PRUNE1: variants seen among roughly 807,000 people sequenced by gnomAD.
The protein encoded by PRUNE1 is prune exopolyphosphatase 1, also known as exopolyphosphatase PRUNE1.
Under a neutral mutation model 42.5 loss-of-function variants are expected in PRUNE1, and 25 were observed. The observed-to-expected ratio is 0.59, with a 90% CI of 0.43 to 0.82. The LOEUF (loss-of-function observed/expected upper bound fraction) is 0.82, where lower values mean the gene tolerates loss of function less well. PRUNE1 is among the 40% of genes least tolerant of loss of function. The probability of loss-of-function intolerance (pLI) is 0.00; values close to 1 mark genes in which losing one functional copy is unlikely to be tolerated. For missense variants in PRUNE1, 443 were observed against 539.3 expected, an observed-to-expected ratio of 0.82 and a Z score of 1.77; for synonymous variants, 203 against 217.1, an observed-to-expected ratio of 0.93 and a Z score of 0.57.
chr1:151,028,526 C>T lies in PRUNE1; in HGVS notation c.775-260C>T, dbSNP rs1312641930. 2.6e-5 allele frequency among the ~76,000 whole-genome samples: 4 copies of T among 151,868 alleles called. No individual in the cohort carries two copies. In the South Asian group the frequency reaches 6.2e-4, roughly 24 times the overall value. On this transcript the variant is annotated intron_variant, in intron 6 of 7. Transcript: ENST00000271620. ...GCAACTTCCGCCTCCCTGGTTCAAG[C>T]GATTCTCCTGCCTCAGCCTCCTGAG...
chr1:151,008,744 G>C, intron 1 of PRUNE1, 73 bp downstream of exon 1: 2 of 1,577,992 alleles, frequency 1.3e-6, no homozygotes, highest in East Asian at 4.5e-5. Flanking sequence ...TGGGATCTGG[G>C]GGAGCCTCGA....
At chr1:151,019,374 A>G (rs1204263502) in intron 3 of PRUNE1, among the ~76,000 whole-genome samples, 1 of 152,056 alleles carries the variant, frequency 6.6e-6, no homozygotes, top group African/African-American at 2.4e-5. Context: ...CCTGAGCAAC[A>G]TGGCAAAACC....
At position 151,025,538 on chromosome 1, in the gene PRUNE1, A is replaced by G. The variant is rs775316095; in HGVS notation, c.544A>G (p.Asn182Asp). The change falls in exon 5 of 8, where the codon AAC becomes GAC. Residue 182 changes from asparagine (N) to aspartate (D), a missense_variant. Physicochemically the swap from Asn to Asp is conservative, Grantham distance 23 (BLOSUM62 1). Transcript: ENST00000271620. ...LHGTIILDCV[N>D]MDLKIGKATP... ...AGGAACCATCATCCTGGACTGTGTC[A>G]ACATGGACCTTAAAATTGGAAAGGC... The G allele has an allele frequency of 2.2e-5, 35 of 1,614,058 alleles. No individual in the cohort carries two copies. Among genetic ancestry groups the G allele is most frequent in the Non-Finnish European group, 2.9e-5 (34 of 1,179,986 alleles).
At chr1:151,028,732 T>A in intron 6 of PRUNE1, 54 bp from the exon 7 acceptor site, 1 of 1,579,516 alleles carries the variant, frequency 6.3e-7, no homozygotes, top group Non-Finnish European at 8.6e-7. Flanking sequence ...CCAAGGATGT[T>A]TTATTGATGA....
rs139233139 is a variant in PRUNE1 at position 151,017,683 on chromosome 1, G to A, written c.40-129G>A. Reference sequence around the variant, plus strand: ...TGAGGCTGCAGGGAGTTGTGATCACGCTACTGCATTCCAGCCTGGGCGACA... The same window carrying A: ...TGAGGCTGCAGGGAGTTGTGATCACACTACTGCATTCCAGCCTGGGCGACA... On this transcript the variant is annotated intron_variant, in intron 1 of 7. Transcript: ENST00000271620. 900 of 449,574 alleles carry A rather than the reference G, an allele frequency of 2.0e-3. 5 individuals carry two copies. Among genetic ancestry groups the A allele is most frequent in the African/African-American group, 0.017 (810 of 48,382 alleles). 27.8% of individuals were successfully genotyped at this position (449,574 alleles called of 1,614,324 possible).
chr1:151,018,652 C>T lies in PRUNE1; in HGVS notation c.318C>T (p.Asp106=). Residue 106 remains aspartate, a synonymous_variant, in exon 3 of 8, where the codon GAC becomes GAT. Transcript: ENST00000271620. ...GCCAACTCACCCTCATCCTTGTCGACCATCATATCTTATCCAAGTAAGCAC... is the reference window on the plus strand; with the variant it reads ...GCCAACTCACCCTCATCCTTGTCGATCATCATATCTTATCCAAGTAAGCAC... ...QAGQLTLILV[D]HHILSKSDTA... 1 of 1,614,008 alleles carries T rather than the reference C, an allele frequency of 6.2e-7. No individual in the cohort carries two copies. Among genetic ancestry groups the T allele is most frequent in the Non-Finnish European group, 8.5e-7 (1 of 1,179,894 alleles).
rs1674220381 is a variant in PRUNE1, at chr1:151,018,252, T to A, written c.133-215T>A. ...TTCTCTGCAGCATTGCATCTAGAAA[T>A]AGGTATTTACCATGAGTTACCTTGT... On this transcript the variant is annotated intron_variant, in intron 2 of 7. Transcript: ENST00000271620. The A allele has an allele frequency of 9.6e-6, 7 of 730,220 alleles. No homozygotes were observed. In the East Asian group the frequency reaches 1.7e-4, roughly 18 times the overall value. The allele number at this position is 730,220 out of a possible 1,614,324, so 45.2% of individuals were successfully genotyped here. A position where few individuals can be genotyped will look rare whatever the true frequency, so the allele number is the denominator to read the frequency against.
At chr1:151,025,419 T>C (rs1181919543) in intron 4 of PRUNE1, 96 bp from the exon 5 acceptor site, 75 of 1,260,946 alleles carry the variant, frequency 5.9e-5, no homozygotes, top group Non-Finnish European at 7.6e-6. Flanking sequence ...ACAAATCTCC[T>C]TGTGTGTGTC....
intron 1 of PRUNE1, among the ~76,000 whole-genome samples, chr1:151,010,002 C>T (rs1168055909): frequency 1.3e-5 from 2 of 152,220 alleles, no homozygotes; most frequent in Non-Finnish European, 1.5e-5. Flanking sequence ...CCTGAAACCT[C>T]ACCAAATAGT....
In PRUNE1 at chr1:151,033,788, T is replaced by G. The variant is rs1483198781; in HGVS notation, c.934-18T>G. The G allele has an allele frequency of 6.2e-7, 1 of 1,600,092 alleles. No homozygotes were observed. The highest frequency in any genetic ancestry group is 1.3e-5 in the African/African-American group (1 of 74,426). On this transcript the variant is annotated intron_variant, in intron 7 of 7. Coordinates refer to ENST00000271620, the MANE Select transcript of PRUNE1 (RefSeq NM_021222.3). ...CAGCAAGTTGTGTATCATTTCCCTG[T>G]TATTGTCTCCTCTTTAGATCTGTGA... is the stretch of plus-strand genomic sequence containing the variant.
At chr1:151,019,066 C>T (rs587744169) in intron 3 of PRUNE1, among the ~76,000 whole-genome samples, 3 of 152,142 alleles carry the variant, frequency 2.0e-5, no homozygotes, top group Admixed American at 2.0e-4. Context: ...TTTTTGCTTT[C>T]AGGGATCTCA....
intron 3 of PRUNE1, among the ~76,000 whole-genome samples, chr1:151,020,261 A>G (rs907710695): frequency 3.3e-5 from 5 of 150,680 alleles, no homozygotes; most frequent in African/African-American, 7.3e-5. Flanking sequence ...ACAAAAATCT[A>G]TAAACATAGT....
Position 151,034,470 on chromosome 1 carries a change from T to G in PRUNE1, c.*236T>G. On this transcript the variant is annotated 3_prime_UTR_variant, in exon 8 of 8. Transcript: ENST00000271620. ...ACATTTTATTATTTAAATCTGCACC[T>G]CTCTCTATTTTATTTGCCAGGGGCA... 1 of 497,078 alleles carries G rather than the reference T, an allele frequency of 2.0e-6. No homozygotes were observed. The highest frequency in any genetic ancestry group is 3.6e-6 in the Non-Finnish European group (1 of 277,178). The allele number at this position is 497,078 out of a possible 1,614,324, so 30.8% of individuals were successfully genotyped here. A position where few individuals can be genotyped will look rare whatever the true frequency, so the allele number is the denominator to read the frequency against.
At position 151,020,704 on chromosome 1, in the gene PRUNE1, A is replaced by G. The variant is rs1249459738; in HGVS notation, c.335+2035A>G. ...TTAGAATATATAAATATCTCAGGCCAGGCGCGGTGGCTCATGCCTGTAATC... is the reference window on the plus strand; with the variant it reads ...TTAGAATATATAAATATCTCAGGCCGGGCGCGGTGGCTCATGCCTGTAATC... On this transcript the variant is annotated intron_variant, in intron 3 of 7. Coordinates refer to ENST00000271620, the MANE Select transcript of PRUNE1 (RefSeq NM_021222.3). Among the ~76,000 whole-genome samples, 6 of 152,082 alleles carry G rather than the reference A, an allele frequency of 3.9e-5. No individual in the cohort carries two copies. The East Asian group carries it at 9.7e-4, about 25-fold the overall frequency.
rs139854204 is a variant in PRUNE1 at position 151,030,078 on chromosome 1, A to G, written c.933+1134A>G. Among the ~76,000 whole-genome samples, 931 of 152,072 alleles carry G rather than the reference A, an allele frequency of 6.1e-3. 5 individuals are homozygous for G. The highest frequency in any genetic ancestry group is 8.6e-3 in the Non-Finnish European group (588 of 67,994). ...AGAGATCAAGACCATCCTGGCCAAC[A>G]TGGTGAAACCCCATCTCTTTTAAAA... On this transcript the variant is annotated intron_variant, in intron 7 of 7. Coordinates refer to ENST00000271620, the MANE Select transcript of PRUNE1 (RefSeq NM_021222.3).
At chr1:151,029,430 C>G (rs1675095599) in intron 7 of PRUNE1, among the ~76,000 whole-genome samples, 2 of 139,184 alleles carry the variant, frequency 1.4e-5, no homozygotes, top group East Asian at 4.8e-4. Flanking sequence ...TGCAGTGGCA[C>G]AATCTCGGCT....
intron 7 of PRUNE1, among the ~76,000 whole-genome samples, chr1:151,031,880 A>G (rs2102944498): frequency 6.6e-6 from 1 of 152,282 alleles, no homozygotes; most frequent in East Asian, 1.9e-4. Context: ...ACTCACAACC[A>G]TCTTACTTCG....
intron 7 of PRUNE1, among the ~76,000 whole-genome samples, chr1:151,032,789 CTT>C (rs200131111): frequency 6.6e-6 from 1 of 151,796 alleles, no homozygotes; most frequent in African/African-American, 2.4e-5. Flanking sequence ...GGACAACTTA[CTT>C]TTTTTCTTGT....
intron 1 of PRUNE1, among the ~76,000 whole-genome samples, chr1:151,012,697 C>T (rs1342608880): frequency 6.6e-6 from 1 of 152,072 alleles, no homozygotes; most frequent in Non-Finnish European, 1.5e-5. Flanking sequence ...CTATTTACAG[C>T]GTAGGCACTT....
Sources: gnomAD v4.1 joint callset for allele counts (sites outside exome capture counted in the v4.1 genomes callset) on GRCh38, gnomAD v4.1.1 for gene constraint, MANE v1.5 for transcripts, NCBI Gene and HGNC (gene_info 2026-07-23, HGNC 2026-07-21) for gene names.